The following EOGT variants were observed in gnomAD, a reference collection of about 807,000 sequenced individuals.
EOGT encodes the protein EGF domain specific O-linked N-acetylglucosamine transferase.
In EOGT, 55 loss-of-function variants were observed where a neutral mutation model predicts 70.5. The ratio of observed to expected loss-of-function variants is 0.78; its 90% CI spans 0.63 to 0.98. The LOEUF (loss-of-function observed/expected upper bound fraction) is 0.98. Among genes scored for constraint, EOGT ranks in the 50% least tolerant of loss-of-function variants. EOGT has a pLI of 0.00. For missense variants in EOGT, 703 were observed against 641.9 expected, an observed-to-expected ratio of 1.10 and a Z score of -1.03; for synonymous variants, 246 against 217.1, an observed-to-expected ratio of 1.13 and a Z score of -1.17.
chr3:68,993,204 A>G (rs1028097040), intron 10 of EOGT, among the ~76,000 whole-genome samples: 5 of 152,280 alleles, frequency 3.3e-5, no homozygotes, highest in South Asian at 2.1e-4. Context: ...CTATTGCACA[A>G]TCAGGCTGCA....
chr3:69,006,906 CCT>C (rs1367391248), intron 6 of EOGT, among the ~76,000 whole-genome samples: 2 of 152,106 alleles, frequency 1.3e-5, no homozygotes, highest in African/African-American at 4.8e-5. Flanking sequence ...CTCTGAGGAC[CCT>C]GTTTTCCATA....
In EOGT at chr3:68,981,621, C is replaced by T. The variant is rs148879382; in HGVS notation, c.1214+1190G>A. ...ATGTAATTCTAGCAACAGGAATTAC[C>T]CAAACTGTGAATAATAGGCATATTC... On this transcript the variant is annotated intron_variant, in intron 15 of 17. Coordinates refer to ENST00000383701, the MANE Select transcript of EOGT (RefSeq NM_001278689.2). Among the ~76,000 whole-genome samples, 548 of 152,064 alleles carry T rather than the reference C, an allele frequency of 3.6e-3. 4 individuals are homozygous for T. Among genetic ancestry groups the T allele is most frequent in the Non-Finnish European group, 5.9e-3 (403 of 67,982 alleles).
At chr3:68,998,262 A>T in intron 9 of EOGT, 148 bp from the exon 10 acceptor site, 1 of 590,698 alleles carries the variant, frequency 1.7e-6, no homozygotes, top group Non-Finnish European at 2.9e-6. Flanking sequence ...TCCAAACATG[A>T]AATGATCTAG....
chr3:68,982,985 C>A (rs2090694008), intron 14 of EOGT, 113 bp from the exon 15 acceptor site: 16 of 538,946 alleles, frequency 3.0e-5, no homozygotes, highest in Middle Eastern at 5.0e-4. Context: ...TATTAAATAT[C>A]ATTTGGTAAC....
chr3:68,987,671 G>A, intron 13 of EOGT, 158 bp from the exon 14 acceptor site: 1 of 623,448 alleles, frequency 1.6e-6, no homozygotes, highest in African/African-American at 1.9e-5. Flanking sequence ...CCACTCTCAG[G>A]GAATAAAAAT....
chr3:69,010,419 T>C (rs74460423), intron 3 of EOGT, among the ~76,000 whole-genome samples: 2,155 of 152,266 alleles, frequency 0.014, 47 homozygotes, highest in African/African-American at 0.049. Context: ...TGAAACTAAA[T>C]AAAGTAATAT....
intron 10 of EOGT, among the ~76,000 whole-genome samples, chr3:68,991,776 G>T (rs2091001731): frequency 6.6e-6 from 1 of 152,124 alleles, no homozygotes; most frequent in Non-Finnish European, 1.5e-5. Flanking sequence ...TGCTGATAAA[G>T]ACATACCCTG....
chr3:69,001,149 G>A (rs1415834345), intron 9 of EOGT, among the ~76,000 whole-genome samples: 1 of 151,870 alleles, frequency 6.6e-6, no homozygotes, highest in African/African-American at 2.4e-5. Context: ...TAGTAGAGAC[G>A]AGGTTTCACC....
chr3:69,005,147 G>A lies in EOGT; in HGVS notation c.508C>T (p.His170Tyr). The change falls in exon 7 of 18, where the codon CAT (histidine) becomes TAT (tyrosine). Residue 170 changes from histidine to tyrosine, a missense_variant. Transcript: ENST00000383701. ...CATTAACCACTAAAGTACCTGTCAT[G>A]ATTTCTCTTGATGTTTCTTAAATCA... ...YLDLRNIKRN[H>Y]DRFKEDFFQS... 1 of 1,553,088 alleles carries A rather than the reference G, an allele frequency of 6.4e-7. No individual in the cohort carries two copies. Among genetic ancestry groups the A allele is most frequent in the Non-Finnish European group, 8.9e-7 (1 of 1,128,554 alleles).
At chr3:69,009,485 C>G in intron 4 of EOGT, 152 bp downstream of exon 4, 1 of 604,288 alleles carries the variant, frequency 1.7e-6, no homozygotes, top group South Asian at 2.1e-5. Context: ...GCAGTTTAGT[C>G]ACTTAGAAGT....
At chr3:68,995,883 G>A (rs902442583) in intron 10 of EOGT, among the ~76,000 whole-genome samples, 1 of 152,158 alleles carries the variant, frequency 6.6e-6, no homozygotes, top group African/African-American at 2.4e-5. Flanking sequence ...CTGCTGCTCA[G>A]GCCTCGGCCT....
chr3:68,990,603 C>CACGG (rs1364384740), intron 10 of EOGT, among the ~76,000 whole-genome samples: 1 of 152,152 alleles, frequency 6.6e-6, no homozygotes, highest in African/African-American at 2.4e-5. Flanking sequence ...CTCCGCCTAC[C>CACGG]ACGGCCTCCT....
chr3:68,992,846 C>T (rs540206434), intron 10 of EOGT, among the ~76,000 whole-genome samples: 8 of 152,302 alleles, frequency 5.3e-5, no homozygotes, highest in African/African-American at 1.7e-4. Context: ...TTCTGTGCAC[C>T]GCAGGCTCAA....
At chr3:68,985,242 A>G (rs1334526578) in intron 14 of EOGT, among the ~76,000 whole-genome samples, 1 of 152,136 alleles carries the variant, frequency 6.6e-6, no homozygotes, top group Non-Finnish European at 1.5e-5. Flanking sequence ...TCGTATTTCT[A>G]GGTCTTTAAA....
Position 68,975,542 on chromosome 3 carries a change from T to TTA in EOGT, c.*2075_*2076insTA. 1 of 152,624 alleles carries TTA rather than the reference T, an allele frequency of 6.6e-6. No individual in the cohort carries two copies. The highest frequency in any genetic ancestry group is 1.9e-4 in the East Asian group (1 of 5,176). 9.5% of individuals were successfully genotyped at this position (152,624 alleles called of 1,614,324 possible). A position where few individuals can be genotyped will look rare whatever the true frequency, so the allele number is the denominator to read the frequency against. On this transcript the variant is annotated 3_prime_UTR_variant, in exon 18 of 18. Transcript: ENST00000383701. ...AAGAAGACAAACGGTGAAACTTTTT[T>TTA]CAGATCATTTTTTCAGAAGTCAATG...
intron 14 of EOGT, among the ~76,000 whole-genome samples, chr3:68,986,462 C>A (rs982203907): frequency 6.6e-6 from 1 of 152,136 alleles, no homozygotes. Flanking sequence ...CGATCTGTGG[C>A]CCCCTGCACC....
intron 8 of EOGT, among the ~76,000 whole-genome samples, chr3:69,003,708 G>A (rs2091360133): frequency 6.6e-6 from 1 of 152,196 alleles, no homozygotes; most frequent in South Asian, 2.1e-4. Context: ...AACAGTCAGA[G>A]TAGCATCTAC....
chr3:68,985,769 A>G (rs781318744), intron 14 of EOGT, among the ~76,000 whole-genome samples: 31 of 152,174 alleles, frequency 2.0e-4, no homozygotes, highest in Non-Finnish European at 3.7e-4. Flanking sequence ...CTCCCTCTGT[A>G]TTTGTTTTCT....
intron 8 of EOGT, among the ~76,000 whole-genome samples, chr3:69,003,073 C>T (rs752481849): frequency 2.6e-5 from 4 of 152,104 alleles, no homozygotes; most frequent in Admixed American, 6.6e-5. Flanking sequence ...AATTCTGCAT[C>T]CTGATTGTGG....
Sources: gnomAD v4.1 joint callset for allele counts (sites outside exome capture counted in the v4.1 genomes callset) on GRCh38, gnomAD v4.1.1 for gene constraint, MANE v1.5 for transcripts, NCBI Gene and HGNC (gene_info 2026-07-23, HGNC 2026-07-21) for gene names.